The following LGR6 variants were observed in gnomAD, a reference collection of about 807,000 sequenced individuals.
LGR6 encodes leucine rich repeat containing G protein-coupled receptor 6.
In LGR6, 45 loss-of-function variants were observed where a neutral mutation model predicts 69.4. That is an observed-to-expected ratio of 0.65 (90% CI 0.51 to 0.83). The LOEUF (loss-of-function observed/expected upper bound fraction) is 0.83. Ranked by LOEUF, LGR6 falls within the 40% of genes least tolerant of loss-of-function variation. The pLI, the probability that LGR6 is intolerant of heterozygous loss-of-function variation, is 0.00. For synonymous variants in LGR6, 538 were observed against 555.0 expected (o/e 0.97, Z 0.43); for missense variants, 1,108 against 1,246.7 (o/e 0.89, Z 1.68).
intron 1 of LGR6, among the ~76,000 whole-genome samples, chr1:202,205,097 T>C (rs1445370192): frequency 2.5e-3 from 5 of 2,008 alleles, no homozygotes; most frequent in Admixed American, 5.3e-3. Context: ...CACACACACG[T>C]ACCTCCAAAC....
intron 1 of LGR6, among the ~76,000 whole-genome samples, chr1:202,201,340 G>C (rs986733243): frequency 6.6e-6 from 1 of 152,170 alleles, no homozygotes; most frequent in Non-Finnish European, 1.5e-5. Flanking sequence ...CCATCACCCT[G>C]ATGTCTCTTC....
At chr1:202,254,347 A>C (rs1663573381) in intron 4 of LGR6, among the ~76,000 whole-genome samples, 1 of 152,200 alleles carries the variant, frequency 6.6e-6, no homozygotes, top group Non-Finnish European at 1.5e-5. Context: ...AGCTCAGGGA[A>C]ACTCTGGCTG....
chr1:202,201,287 T>C (rs562410476), intron 1 of LGR6, among the ~76,000 whole-genome samples: 13 of 152,220 alleles, frequency 8.5e-5, no homozygotes, highest in Non-Finnish European at 1.5e-4. Context: ...GACCCAGTCT[T>C]GATGGCCCCC....
At chr1:202,224,752 C>T (rs536159004) in intron 1 of LGR6, among the ~76,000 whole-genome samples, 14 of 152,314 alleles carry the variant, frequency 9.2e-5, no homozygotes, top group Admixed American at 5.2e-4. Flanking sequence ...GCTCACCAGC[C>T]TGCTCACCTC....
At chr1:202,211,993 G>T (rs1659479593) in intron 1 of LGR6, among the ~76,000 whole-genome samples, 1 of 152,150 alleles carries the variant, frequency 6.6e-6, no homozygotes, top group African/African-American at 2.4e-5. Flanking sequence ...GTTGCTGGTG[G>T]TCATAGTTCG....
At chr1:202,313,168 A>G (rs915551425) in intron 16 of LGR6, among the ~76,000 whole-genome samples, 1 of 151,846 alleles carries the variant, frequency 6.6e-6, no homozygotes, top group Non-Finnish European at 1.5e-5. Flanking sequence ...CAGAGCTTGC[A>G]GTGAGCCGAG....
intron 1 of LGR6, chr1:202,214,150 C>G: frequency 6.7e-7 from 1 of 1,500,972 alleles, no homozygotes; most frequent in Non-Finnish European, 8.8e-7. Context: ...GTCCCAGGGG[C>G]CGGAATGCGC....
intron 6 of LGR6, among the ~76,000 whole-genome samples, chr1:202,281,783 C>A (rs905567272): frequency 2.6e-5 from 4 of 151,954 alleles, no homozygotes; most frequent in Non-Finnish European, 5.9e-5. Context: ...AACCAACCCC[C>A]CTTATTCTCC....
In LGR6 at chr1:202,255,485, C is replaced by G. The variant is rs78554639; in HGVS notation, c.428+19492C>G. Among the ~76,000 whole-genome samples, 25 of 152,284 alleles carry G rather than the reference C, an allele frequency of 1.6e-4. No individual in the cohort carries two copies. In the East Asian group the frequency reaches 4.8e-3, roughly 29 times the overall value. On this transcript the variant is annotated intron_variant, in intron 4 of 17. Coordinates refer to ENST00000367278, the MANE Select transcript of LGR6 (RefSeq NM_001017403.2). ...ACTGCCTGCTCCTCGTCTCTCCCTC[C>G]CCAGCGCCCTTCCCCGCTCAGGCTG...
chr1:202,216,817 G>A (rs1250630233), intron 1 of LGR6, among the ~76,000 whole-genome samples: 1 of 152,198 alleles, frequency 6.6e-6, no homozygotes, highest in Admixed American at 6.5e-5. Context: ...AGGAGCCATT[G>A]AAGGAGAAGC....
At position 202,304,611 on chromosome 1, in the gene LGR6, C is replaced by G; in HGVS notation, c.1051C>G (p.Leu351Val). 2 of 1,610,904 alleles carry G rather than the reference C, an allele frequency of 1.2e-6. No homozygotes were observed. The highest frequency in any genetic ancestry group is 1.7e-6 in the Non-Finnish European group (2 of 1,177,554). Residue 351 changes from leucine (L) to valine (V), a missense_variant, in exon 11 of 18, where the codon CTG becomes GTG. Coordinates refer to ENST00000367278, the MANE Select transcript of LGR6 (RefSeq NM_001017403.2). Reference sequence around the variant, plus strand: ...GCTCCCATCGGGGATGTGCCAACAGCTGCCCAGGCTCCGAGTCCTGTGAGT... The same window carrying G: ...GCTCCCATCGGGGATGTGCCAACAGGTGCCCAGGCTCCGAGTCCTGTGAGT... Reference protein sequence around the residue: ...RLLPSGMCQQLPRLRVLELSH... With the variant: ...RLLPSGMCQQVPRLRVLELSH...
intron 4 of LGR6, among the ~76,000 whole-genome samples, chr1:202,242,940 A>T (rs1046618465): frequency 2.0e-5 from 3 of 151,944 alleles, no homozygotes; most frequent in Non-Finnish European, 2.9e-5. Flanking sequence ...CTCTCACTTA[A>T]CCCTCACAGT....
At chr1:202,210,572 CA>C (rs1659426408) in intron 1 of LGR6, 1 of 152,202 alleles carries the variant, frequency 6.6e-6, no homozygotes, top group African/African-American at 2.4e-5. Context: ...GCTTCCAACC[CA>C]GACGGCTGCG....
intron 1 of LGR6, among the ~76,000 whole-genome samples, chr1:202,216,600 G>A (rs1659799673): frequency 6.6e-6 from 1 of 152,232 alleles, no homozygotes; most frequent in African/African-American, 2.4e-5. Flanking sequence ...GCGCTGGACA[G>A]TGTAGGTCTT....
At chr1:202,305,662 C>G in intron 11 of LGR6, 22 bp from the exon 12 acceptor site, 2 of 1,611,826 alleles carry the variant, frequency 1.2e-6, no homozygotes, top group Non-Finnish European at 1.7e-6. Flanking sequence ...CACCCCAGCC[C>G]TGGCCTTTCT....
intron 4 of LGR6, among the ~76,000 whole-genome samples, chr1:202,241,836 A>AG (rs1267865231): frequency 1.3e-5 from 2 of 152,014 alleles, no homozygotes; most frequent in East Asian, 1.9e-4. Flanking sequence ...TGGATACTCT[A>AG]GGGGGGAAAT....
intron 3 of LGR6, among the ~76,000 whole-genome samples, chr1:202,232,816 G>A (rs1367098032): frequency 1.3e-5 from 2 of 152,222 alleles, no homozygotes; most frequent in East Asian, 3.8e-4. Context: ...CAGGACTTGA[G>A]TCCTAGTCCT....
intron 4 of LGR6, among the ~76,000 whole-genome samples, chr1:202,237,616 C>T (rs1448182968): frequency 6.6e-6 from 1 of 152,138 alleles, no homozygotes; most frequent in African/African-American, 2.4e-5. Context: ...GCAATGCAGA[C>T]AATTTTCCCT....
chr1:202,220,909 A>G (rs974475213), intron 1 of LGR6, among the ~76,000 whole-genome samples: 2 of 152,174 alleles, frequency 1.3e-5, no homozygotes, highest in Non-Finnish European at 2.9e-5. Flanking sequence ...ACACTATGTG[A>G]GGTGATGACT....
Sources: allele counts gnomAD v4.1 joint callset (sites outside exome capture counted in the v4.1 genomes callset), GRCh38; gene constraint gnomAD v4.1.1; transcripts MANE v1.5; gene names NCBI Gene and HGNC (gene_info 2026-07-23, HGNC 2026-07-21).